Variants in SPMIP11 observed in about 807,000 individuals in gnomAD.
SPMIP11 encodes sperm microtubule inner protein 11, also known as long intergenic non-protein coding RNA 935.
At chr12:48,768,905 T>C in the SPMIP11 span, 1 of 1,588,668 alleles carries the variant, frequency 6.3e-7, no homozygotes, top group Non-Finnish European at 8.6e-7. Flanking sequence ...CGGGCCCATG[T>C]TCCTCCCAGC....
At chr12:48,755,594 A>G in the SPMIP11 span, among the ~76,000 whole-genome samples, 2 of 152,328 alleles carry the variant, frequency 1.3e-5, no homozygotes, top group Admixed American at 6.5e-5. Flanking sequence ...GATGCAAGGT[A>G]TATGCCAATT....
chr12:48,769,572 G>A, the SPMIP11 span, among the ~76,000 whole-genome samples: 2 of 151,104 alleles, frequency 1.3e-5, no homozygotes, highest in East Asian at 1.9e-4. Flanking sequence ...ATTTTACCTG[G>A]CTTCATCCTT....
the SPMIP11 span, among the ~76,000 whole-genome samples, chr12:48,745,666 A>C: frequency 6.6e-6 from 1 of 152,240 alleles, no homozygotes; most frequent in South Asian, 2.1e-4. Context: ...AGAAGAAAAC[A>C]TAGAATATTT....
the SPMIP11 span, among the ~76,000 whole-genome samples, chr12:48,747,533 T>C: frequency 3.3e-5 from 5 of 152,204 alleles, no homozygotes; most frequent in Admixed American, 3.3e-4. Context: ...TTTTTAATAG[T>C]GCAGACCCTA....
chr12:48,770,518 C>T, the SPMIP11 span, among the ~76,000 whole-genome samples: 131 of 152,332 alleles, frequency 8.6e-4, 2 homozygotes, highest in East Asian at 0.024. Flanking sequence ...GTTATTTAAT[C>T]TCTCTGAGAG....
At chr12:48,771,103 T>C in the SPMIP11 span, 1 of 901,056 alleles carries the variant, frequency 1.1e-6, no homozygotes, top group South Asian at 1.6e-5. This position sits in a 1 kb window ranked among gnomAD's most constrained non-coding sequence, Gnocchi z 4.3. Flanking sequence ...CAGCTGCTGC[T>C]ATCAGTGTAA....
At chr12:48,738,598 G>C in the SPMIP11 span, among the ~76,000 whole-genome samples, 36 of 150,618 alleles carry the variant, frequency 2.4e-4, no homozygotes, top group African/African-American at 8.6e-4. Flanking sequence ...CCAGTGGCGC[G>C]ATCTTGGCTC....
the SPMIP11 span, among the ~76,000 whole-genome samples, chr12:48,743,587 G>A: frequency 6.6e-6 from 1 of 151,924 alleles, no homozygotes; most frequent in Non-Finnish European, 1.5e-5. Context: ...CGGGCAGATT[G>A]CCTGAGCTCA....
chr12:48,739,847 C>T, the SPMIP11 span, among the ~76,000 whole-genome samples: 1 of 152,102 alleles, frequency 6.6e-6, no homozygotes, highest in Non-Finnish European at 1.5e-5. Context: ...GACATAAATC[C>T]AAACCATATC....
chr12:48,737,117 T>C, the SPMIP11 span, among the ~76,000 whole-genome samples: 1 of 151,850 alleles, frequency 6.6e-6, no homozygotes, highest in Non-Finnish European at 1.5e-5. Flanking sequence ...GCCTGGCTAA[T>C]TTTTTGTATT....
At chr12:48,738,816 A>T in the SPMIP11 span, among the ~76,000 whole-genome samples, 1 of 152,058 alleles carries the variant, frequency 6.6e-6, no homozygotes, top group Non-Finnish European at 1.5e-5. Flanking sequence ...AGAATTACTA[A>T]ATCCAGCCCA....
chr12:48,742,180 T>A, the SPMIP11 span, among the ~76,000 whole-genome samples: 5 of 152,098 alleles, frequency 3.3e-5, no homozygotes, highest in African/African-American at 1.2e-4. Flanking sequence ...CAAGCACAGA[T>A]TACAGGCATA....
chr12:48,754,451 C>T, the SPMIP11 span, among the ~76,000 whole-genome samples: 1 of 152,004 alleles, frequency 6.6e-6, no homozygotes, highest in African/African-American at 2.4e-5. Flanking sequence ...TGCACCCAGC[C>T]TGAGGCATTT....
At chr12:48,750,116 C>T in the SPMIP11 span, among the ~76,000 whole-genome samples, 1 of 151,938 alleles carries the variant, frequency 6.6e-6, no homozygotes, top group East Asian at 2.0e-4. Flanking sequence ...CTTTGGGAGG[C>T]CGAGGCAGGA....
the SPMIP11 span, chr12:48,759,184 CA>C: frequency 7.1e-6 from 5 of 702,230 alleles, no homozygotes; most frequent in East Asian, 1.3e-4. Context: ...GCCAAGTACT[CA>C]GAACGAGTCT....
At chr12:48,752,669 C>CT in the SPMIP11 span, among the ~76,000 whole-genome samples, 2,024 of 119,238 alleles carry the variant, frequency 0.017, 27 homozygotes, top group Non-Finnish European at 0.024. Flanking sequence ...CCTATTTATT[C>CT]TTTTTTTTTT....
the SPMIP11 span, among the ~76,000 whole-genome samples, chr12:48,763,709 C>T: frequency 2.1e-5 from 3 of 144,186 alleles, no homozygotes; most frequent in African/African-American, 7.8e-5. Flanking sequence ...GAGACAGTCT[C>T]GCTCTGTCGC....
At chr12:48,756,162 C>A in the SPMIP11 span, among the ~76,000 whole-genome samples, 6 of 152,116 alleles carry the variant, frequency 3.9e-5, no homozygotes, top group Non-Finnish European at 8.8e-5. Context: ...GGATTACAGG[C>A]ATGAGCCACC....
chr12:48,733,230 C>A, the SPMIP11 span, among the ~76,000 whole-genome samples: 8 of 151,558 alleles, frequency 5.3e-5, no homozygotes, highest in African/African-American at 1.7e-4. Context: ...ACCTGCCACG[C>A]CACTTGGCTA....
Sources: allele counts gnomAD v4.1 joint callset (sites outside exome capture counted in the v4.1 genomes callset), GRCh38; gene constraint gnomAD v4.1.1; non-coding constraint Gnocchi (gnomAD v3.1); transcripts MANE v1.5; gene names NCBI Gene and HGNC (gene_info 2026-07-23, HGNC 2026-07-21).